Variants in SGCZ observed in about 807,000 individuals in gnomAD.
The protein encoded by SGCZ is sarcoglycan zeta.
Under a neutral mutation model 41.3 loss-of-function variants are expected in SGCZ, and 40 were observed. That is an observed-to-expected ratio of 0.97 (90% CI 0.75 to 1.26). The LOEUF is 1.26. Ranked by LOEUF, SGCZ falls within the 50% of genes most tolerant of loss-of-function variation. SGCZ has a pLI of 0.00. For missense variants in SGCZ, 552 were observed against 369.8 expected, an observed-to-expected ratio of 1.49 and a Z score of -4.04; for synonymous variants, 206 against 137.5, an observed-to-expected ratio of 1.50 and a Z score of -3.49.
intron 4 of SGCZ, among the ~76,000 whole-genome samples, chr8:14,179,130 A>C (rs1280073598): frequency 6.6e-6 from 1 of 152,210 alleles, no homozygotes; most frequent in Non-Finnish European, 1.5e-5. Context: ...AAACCACCCA[A>C]ACAATCCAGA....
intron 1 of SGCZ, among the ~76,000 whole-genome samples, chr8:15,038,811 T>A (rs1361308290): frequency 9.7e-6 from 1 of 102,602 alleles, no homozygotes; most frequent in Admixed American, 1.1e-4. Context: ...AACTGACATT[T>A]CTCAAAAAAA....
rs535500845 is a variant in SGCZ at position 15,015,998 on chromosome 8, G to T, written c.39+221587C>A. 5.3e-5 allele frequency among the ~76,000 whole-genome samples: 8 copies of T among 151,894 alleles called. No homozygotes were observed. In the South Asian group the frequency reaches 1.7e-3, roughly 32 times the overall value. Reference sequence around the variant, plus strand: ...AAAATTATTTTTCTCTCTATCTCCAGTTGCTAGAAGTTTACATTCATTTGA... The same window carrying T: ...AAAATTATTTTTCTCTCTATCTCCATTTGCTAGAAGTTTACATTCATTTGA... On this transcript the variant is annotated intron_variant, in intron 1 of 7. Coordinates refer to ENST00000382080, the MANE Select transcript of SGCZ (RefSeq NM_139167.4).
At chr8:15,118,393 A>G (rs533139708) in intron 1 of SGCZ, among the ~76,000 whole-genome samples, 1 of 152,246 alleles carries the variant, frequency 6.6e-6, no homozygotes, top group Admixed American at 6.5e-5. Flanking sequence ...CCCAGACAGT[A>G]AAAGAAGGGG....
At chr8:14,157,209 C>T (rs536010142) in intron 5 of SGCZ, among the ~76,000 whole-genome samples, 45 of 150,906 alleles carry the variant, frequency 3.0e-4, no homozygotes, top group South Asian at 6.3e-4. Flanking sequence ...CCTCCTGGGA[C>T]CACCAATGTA....
Position 14,558,598 on chromosome 8 carries a change from G to C in SGCZ, c.40-3672C>G, listed in dbSNP as rs1226469788. Among the ~76,000 whole-genome samples the C allele has an allele frequency of 3.3e-5, 5 of 151,178 alleles. No individual in the cohort carries two copies. The South Asian group carries it at 1.0e-3, about 32-fold the overall frequency. On this transcript the variant is annotated intron_variant, in intron 1 of 7. Transcript: ENST00000382080. ...TTAGAGAGAGAGAGAGAGAGAGAGA[G>C]AGAGAGAGAGAGAGAATCTTCCATA...
chr8:14,212,205 C>T (rs1049946430), intron 4 of SGCZ, among the ~76,000 whole-genome samples: 7 of 152,026 alleles, frequency 4.6e-5, no homozygotes, highest in Admixed American at 2.6e-4. Flanking sequence ...CAGAAGGTGA[C>T]CCACACTGGC....
At chr8:14,739,275 A>T (rs972656224) in intron 1 of SGCZ, among the ~76,000 whole-genome samples, 3 of 152,016 alleles carry the variant, frequency 2.0e-5, no homozygotes, top group African/African-American at 7.2e-5. Context: ...AAAGGGGAAA[A>T]ATCAAACATA....
intron 5 of SGCZ, among the ~76,000 whole-genome samples, chr8:14,122,485 A>G (rs1006262258): frequency 6.6e-6 from 1 of 152,206 alleles, no homozygotes; most frequent in Admixed American, 6.5e-5. Flanking sequence ...AGAACAGTCC[A>G]TGTAGGTTCA....
At chr8:15,037,768 A>G (rs565536920) in intron 1 of SGCZ, among the ~76,000 whole-genome samples, 2 of 152,316 alleles carry the variant, frequency 1.3e-5, no homozygotes, top group South Asian at 4.1e-4. Context: ...ATAATAAACA[A>G]ATTCAGTAAA....
rs868543026 is a variant in SGCZ, at chr8:14,087,560, C to T, written c.*2883G>A. Among the ~76,000 whole-genome samples, 2 of 151,416 alleles carry T rather than the reference C, an allele frequency of 1.3e-5. No individual in the cohort carries two copies. The highest frequency in any genetic ancestry group is 3.0e-5 in the Non-Finnish European group (2 of 67,688). ...ATAGCTTAGTCGCATCCATGTAGTA[C>T]ACTATAAAGGACTCATTTTTCTCAG... On this transcript the variant is annotated 3_prime_UTR_variant, in exon 8 of 8. Coordinates refer to ENST00000382080, the MANE Select transcript of SGCZ (RefSeq NM_139167.4).
intron 1 of SGCZ, among the ~76,000 whole-genome samples, chr8:14,711,173 G>A (rs1248732127): frequency 6.6e-6 from 1 of 152,108 alleles, no homozygotes; most frequent in African/African-American, 2.4e-5. Context: ...TGGACTTAAT[G>A]GATAAATGTT....
intron 1 of SGCZ, among the ~76,000 whole-genome samples, chr8:14,807,694 T>G (rs1801589590): frequency 6.6e-6 from 1 of 151,818 alleles, no homozygotes; most frequent in African/African-American, 2.4e-5. Context: ...CCCATCAAGC[T>G]ACCAATGCCT....
intron 2 of SGCZ, among the ~76,000 whole-genome samples, chr8:14,331,581 C>T (rs1426430074): frequency 6.6e-6 from 1 of 151,994 alleles, no homozygotes; most frequent in Non-Finnish European, 1.5e-5. Context: ...AATTGACAGA[C>T]CTAGGAATTT....
intron 1 of SGCZ, among the ~76,000 whole-genome samples, chr8:14,747,945 T>G (rs1322314554): frequency 6.6e-6 from 1 of 150,932 alleles, no homozygotes; most frequent in Non-Finnish European, 1.5e-5. Context: ...AGGCTAGTCT[T>G]GAACTCCTGA....
At chr8:15,155,357 A>G (rs1799298549) in intron 1 of SGCZ, among the ~76,000 whole-genome samples, 1 of 152,210 alleles carries the variant, frequency 6.6e-6, no homozygotes, top group Non-Finnish European at 1.5e-5. Context: ...TCCTGATTTG[A>G]TCATTATACA....
At chr8:15,126,296 C>T (rs982258377) in intron 1 of SGCZ, among the ~76,000 whole-genome samples, 1 of 152,096 alleles carries the variant, frequency 6.6e-6, no homozygotes, top group Non-Finnish European at 1.5e-5. Flanking sequence ...TTTATATCTA[C>T]AGAGATATGA....
chr8:15,109,552 C>A (rs1181621318), intron 1 of SGCZ, among the ~76,000 whole-genome samples: 3 of 152,144 alleles, frequency 2.0e-5, no homozygotes, highest in Admixed American at 1.3e-4. Context: ...AATAACATTA[C>A]AGGATGTCTG....
chr8:14,895,812 T>C (rs956108749), intron 1 of SGCZ, among the ~76,000 whole-genome samples: 1 of 152,248 alleles, frequency 6.6e-6, no homozygotes, highest in Non-Finnish European at 1.5e-5. Context: ...AAGAAGCTTT[T>C]TAAAATATCT....
At chr8:15,139,346 G>A (rs78489119) in intron 1 of SGCZ, among the ~76,000 whole-genome samples, 4,785 of 152,252 alleles carry the variant, frequency 0.031, 111 homozygotes, top group African/African-American at 0.071. Flanking sequence ...TTGAATCTAT[G>A]TTTATACATC....
Sources: allele counts gnomAD v4.1 joint callset (sites outside exome capture counted in the v4.1 genomes callset), GRCh38; gene constraint gnomAD v4.1.1; transcripts MANE v1.5; gene names NCBI Gene and HGNC (gene_info 2026-07-23, HGNC 2026-07-21).